PEAK1: variants seen among roughly 807,000 people sequenced by gnomAD.
PEAK1 encodes pseudopodium enriched atypical kinase 1.
A neutral mutation model predicts 124.7 loss-of-function variants in PEAK1; 54 were observed. The ratio of observed to expected loss-of-function variants is 0.43; its 90% CI spans 0.35 to 0.54. The LOEUF (loss-of-function observed/expected upper bound fraction) is 0.54. Ranked by LOEUF, PEAK1 falls within the 20% of genes least tolerant of loss-of-function variation. PEAK1 has a pLI of 0.01. For missense variants in PEAK1, 2,046 were observed against 2,134.5 expected, an observed-to-expected ratio of 0.96 and a Z score of 0.82; for synonymous variants, 719 against 760.0, an observed-to-expected ratio of 0.95 and a Z score of 0.89.
At position 77,153,015 on chromosome 15, in the gene PEAK1, G is replaced by A. The variant is rs537733578; in HGVS notation, c.3331+5488C>T. On this transcript the variant is annotated intron_variant, in intron 8 of 9. Coordinates refer to ENST00000682557, the MANE Select transcript of PEAK1 (RefSeq NM_001385026.1). ...GATGCTGGCCTCATAAAATGAGTTA[G>A]GGAGGATTCCCTCTTTTTCTATTGA... Among the ~76,000 whole-genome samples the A allele has an allele frequency of 1.1e-4, 16 of 152,274 alleles. 1 individual carries two copies. The South Asian group carries it at 1.7e-3, about 16-fold the overall frequency.
intron 8 of PEAK1, among the ~76,000 whole-genome samples, chr15:77,146,593 G>A (rs1200793226): frequency 1.3e-5 from 2 of 152,090 alleles, no homozygotes; most frequent in African/African-American, 2.4e-5. Context: ...AGCTAACTTC[G>A]GGACAGAGTG....
chr15:77,222,716 C>T (rs572680978), intron 6 of PEAK1, among the ~76,000 whole-genome samples: 32 of 152,094 alleles, frequency 2.1e-4, no homozygotes, highest in African/African-American at 7.5e-4. Flanking sequence ...AAACTCCAGA[C>T]AAAGCCTGCT....
chr15:77,363,591 G>A lies in PEAK1; in HGVS notation c.-603+1572C>T, dbSNP rs867458767. 1.5e-4 allele frequency among the ~76,000 whole-genome samples: 23 copies of A among 152,144 alleles called. 1 individual carries two copies. Among genetic ancestry groups the A allele is most frequent in the Admixed American group, 2.6e-4 (4 of 15,270 alleles). ...CACCTCTGTGTTGATCCACTTGACA[G>A]GAGGGAGCCTGCACTTTCTCAGCTT... On this transcript the variant is annotated intron_variant, in intron 2 of 9. Transcript: ENST00000682557.
intron 1 of PEAK1, among the ~76,000 whole-genome samples, chr15:77,406,792 C>A (rs186711519): frequency 3.5e-4 from 53 of 152,068 alleles, no homozygotes; most frequent in Middle Eastern, 3.4e-3. Flanking sequence ...TCATATGGAA[C>A]CAAAAAAGAG....
At chr15:77,279,246 T>C (rs1320060416) in intron 5 of PEAK1, among the ~76,000 whole-genome samples, 1 of 152,120 alleles carries the variant, frequency 6.6e-6, no homozygotes, top group Non-Finnish European at 1.5e-5. Flanking sequence ...GGAAAATACC[T>C]TTCCCTTCTA....
In PEAK1 at chr15:77,114,767, T is replaced by C. The variant is rs2051204720; in HGVS notation, c.4630A>G (p.Thr1544Ala). ...QGFGPAEPSP[T>A]SSYPTRLIVS... ...ATAAGCCTAGTGGGATAAGATGAGG[T>C]GGGGCTGGGCTCTGCAGGCCCAAAG... Residue 1544 changes from threonine to alanine, a missense_variant, in exon 10 of 10, where the codon ACC becomes GCC. Transcript: ENST00000682557. 6.2e-7 allele frequency: 1 copy of C among 1,612,338 alleles called. No individual in the cohort carries two copies. Among genetic ancestry groups the C allele is most frequent in the East Asian group, 2.2e-5 (1 of 44,796 alleles).
intron 1 of PEAK1, chr15:77,403,516 GTAA>G: frequency 2.1e-6 from 2 of 965,538 alleles, no homozygotes; most frequent in East Asian, 2.3e-4. Context: ...ATCAAGCACA[GTAA>G]TAATAGCTTC....
At chr15:77,132,580 A>G (rs2152740352) in intron 9 of PEAK1, among the ~76,000 whole-genome samples, 1 of 151,934 alleles carries the variant, frequency 6.6e-6, no homozygotes, top group East Asian at 2.0e-4. Context: ...CTGTAATCCC[A>G]GCTACTCGGG....
rs1333492929 is a variant in PEAK1, at chr15:77,133,881, A to C, written c.3332-131T>G. On this transcript the variant is annotated intron_variant, in intron 8 of 9. Transcript: ENST00000682557. The surrounding 1 kb of genome is among the most constrained non-coding windows in gnomAD (Gnocchi z 4.2). ...AAGAATAAGTCAACTCTTTAGTTCAAAATGGGAAAAGAGAACAACCAAAGA... is the reference window on the plus strand; with the variant it reads ...AAGAATAAGTCAACTCTTTAGTTCACAATGGGAAAAGAGAACAACCAAAGA... 4.7e-6 allele frequency: 5 copies of C among 1,057,750 alleles called. No homozygotes were observed. In the African/African-American group the frequency reaches 8.0e-5, roughly 17 times the overall value. 65.5% of individuals were successfully genotyped at this position (1,057,750 alleles called of 1,614,324 possible).
chr15:77,314,666 C>T (rs770533586), intron 2 of PEAK1, among the ~76,000 whole-genome samples: 3 of 152,098 alleles, frequency 2.0e-5, no homozygotes, highest in Non-Finnish European at 4.4e-5. Flanking sequence ...CTGCGTCCTG[C>T]CTAAAACGAA....
intron 5 of PEAK1, among the ~76,000 whole-genome samples, chr15:77,263,899 C>T (rs973845234): frequency 2.6e-5 from 4 of 152,154 alleles, no homozygotes; most frequent in South Asian, 2.1e-4. Flanking sequence ...CATCCAAAAG[C>T]TTATCTACCA....
At chr15:77,137,834 G>A (rs1322180349) in intron 8 of PEAK1, among the ~76,000 whole-genome samples, 3 of 152,142 alleles carry the variant, frequency 2.0e-5, no homozygotes, top group Admixed American at 6.5e-5. Flanking sequence ...GGAGGGGCAA[G>A]GGGTGGAATG....
chr15:77,252,637 A>T, intron 5 of PEAK1, 111 bp from the exon 6 acceptor site: 1 of 621,578 alleles, frequency 1.6e-6, no homozygotes, highest in Non-Finnish European at 2.0e-6. Flanking sequence ...GTTATAATTC[A>T]TCTAATTCAT....
At chr15:77,162,938 A>G (rs1338625585) in intron 7 of PEAK1, among the ~76,000 whole-genome samples, 2 of 152,216 alleles carry the variant, frequency 1.3e-5, no homozygotes, top group Admixed American at 6.5e-5. Context: ...GCCTAAGTAC[A>G]ATTTGATATT....
At chr15:77,205,706 T>C (rs986806545) in intron 6 of PEAK1, among the ~76,000 whole-genome samples, 2 of 152,208 alleles carry the variant, frequency 1.3e-5, no homozygotes, top group Admixed American at 1.3e-4. Context: ...TGGTAGGATG[T>C]ATGTAACAGC....
intron 5 of PEAK1, among the ~76,000 whole-genome samples, chr15:77,281,493 G>C (rs2062672957): frequency 6.6e-6 from 1 of 151,970 alleles, no homozygotes; most frequent in African/African-American, 2.4e-5. Context: ...TTATATATAA[G>C]AATAAGCAAA....
At position 77,199,237 on chromosome 15, in the gene PEAK1, T is replaced by C. The variant is rs80164850; in HGVS notation, c.-114-17197A>G. ...ATGCTTTGTTCCTGAAGTCAGAAAG[T>C]ACTTTGCCAGTAAGAGACTGCCTTT... On this transcript the variant is annotated intron_variant, in intron 6 of 9. Transcript: ENST00000682557. 3.9e-3 allele frequency among the ~76,000 whole-genome samples: 593 copies of C among 152,358 alleles called. 4 individuals carry two copies. Among genetic ancestry groups the C allele is most frequent in the African/African-American group, 0.014 (575 of 41,588 alleles).
chr15:77,123,132 T>C (rs1049478041), intron 9 of PEAK1, among the ~76,000 whole-genome samples: 4 of 152,176 alleles, frequency 2.6e-5, no homozygotes, highest in Admixed American at 6.5e-5. Context: ...GTGTGTTCTA[T>C]CCTTGAGAAC....
At chr15:77,324,185 T>C (rs936702134) in intron 2 of PEAK1, among the ~76,000 whole-genome samples, 7 of 152,174 alleles carry the variant, frequency 4.6e-5, no homozygotes, top group African/African-American at 9.7e-5. Flanking sequence ...CATTATTAAA[T>C]TGATCCACAT....
Sources: gnomAD v4.1 joint callset for allele counts (sites outside exome capture counted in the v4.1 genomes callset) on GRCh38, gnomAD v4.1.1 for gene constraint, Gnocchi (gnomAD v3.1) non-coding constraint, MANE v1.5 for transcripts, NCBI Gene and HGNC (gene_info 2026-07-23, HGNC 2026-07-21) for gene names.